Variants in ANK3 observed in about 807,000 individuals in gnomAD.
The protein encoded by ANK3 is ankyrin-3.
A neutral mutation model predicts 370.9 loss-of-function variants in ANK3; 57 were observed. The observed-to-expected ratio is 0.15, with a 90% CI of 0.12 to 0.19. ANK3 has a LOEUF of 0.19. Ranked by LOEUF, ANK3 falls within the 10% of genes least tolerant of loss-of-function variation. The probability of loss-of-function intolerance (pLI) is 1.00; values close to 1 mark genes in which losing one functional copy is unlikely to be tolerated. For missense variants in ANK3, 4,439 were observed against 5,302.1 expected (o/e 0.84, Z 5.06); for synonymous variants, 1,929 against 1,946.3 (o/e 0.99, Z 0.23).
chr10:60,682,914 T>A (rs918324301), intron 1 of ANK3, among the ~76,000 whole-genome samples: 31 of 152,190 alleles, frequency 2.0e-4, no homozygotes, highest in African/African-American at 7.2e-4. Flanking sequence ...AAACAAGGGT[T>A]CATGGGAATC....
intron 2 of ANK3, among the ~76,000 whole-genome samples, chr10:60,593,860 T>G (rs1460584713): frequency 6.6e-6 from 1 of 152,180 alleles, no homozygotes; most frequent in African/African-American, 2.4e-5. Context: ...TTTCTGTGAA[T>G]GAAATGCCTG....
At chr10:60,584,410 G>A (rs1459300806) in intron 2 of ANK3, among the ~76,000 whole-genome samples, 1 of 151,654 alleles carries the variant, frequency 6.6e-6, no homozygotes, top group African/African-American at 2.4e-5. Context: ...CTTGAAGCCA[G>A]GGGTTCAAGG....
chr10:60,266,245 T>G lies in ANK3; in HGVS notation c.514-2225A>C, dbSNP rs188867783. ...ACAAGAAAAGTAGTCTACATGTCAA[T>G]GTAAATATATATTTTCATTTTCATA... On this transcript the variant is annotated intron_variant, in intron 5 of 43. Transcript: ENST00000280772. 2.4e-3 allele frequency among the ~76,000 whole-genome samples: 358 copies of G among 152,298 alleles called. 7 individuals are homozygous for G. The highest frequency in any genetic ancestry group is 0.023 in the Admixed American group (351 of 15,302).
intron 1 of ANK3, among the ~76,000 whole-genome samples, chr10:60,286,074 A>G (rs1038169567): frequency 2.0e-5 from 3 of 152,180 alleles, no homozygotes; most frequent in African/African-American, 7.2e-5. Context: ...AATACATAAA[A>G]CATATATGAA....
chr10:60,355,388 T>C (rs1404862820), intron 1 of ANK3, among the ~76,000 whole-genome samples: 1 of 152,210 alleles, frequency 6.6e-6, no homozygotes, highest in Non-Finnish European at 1.5e-5. Context: ...AGTTTAGCTT[T>C]TGTGCCACTG....
chr10:60,173,233 T>C, intron 18 of ANK3, 47 bp from the exon 19 acceptor site: 8 of 1,426,706 alleles, frequency 5.6e-6, no homozygotes, highest in Non-Finnish European at 7.8e-6. Context: ...ATTACACTTT[T>C]ACTAACAGCT....
chr10:60,110,857 GTACACACA>G (rs1293043040), intron 26 of ANK3, among the ~76,000 whole-genome samples: 3 of 152,226 alleles, frequency 2.0e-5, no homozygotes, highest in South Asian at 4.2e-4. Context: ...AGTTGTGTCA[GTACACACA>G]TACACACATA....
intron 43 of ANK3, among the ~76,000 whole-genome samples, chr10:60,041,277 G>T (rs2131861960): frequency 6.6e-6 from 1 of 152,276 alleles, no homozygotes; most frequent in Non-Finnish European, 1.5e-5. Flanking sequence ...GTTTCCCACT[G>T]CTTTTCGGGT....
intron 1 of ANK3, among the ~76,000 whole-genome samples, chr10:60,732,335 C>A (rs2080035116): frequency 6.6e-6 from 1 of 152,148 alleles, no homozygotes; most frequent in East Asian, 1.9e-4. Context: ...CAAACATAAG[C>A]GAGTGTTTTA....
intron 2 of ANK3, among the ~76,000 whole-genome samples, chr10:60,442,418 A>G (rs563757168): frequency 3.2e-4 from 48 of 152,234 alleles, no homozygotes; most frequent in African/African-American, 1.2e-3. Context: ...GCTTTAAATC[A>G]TCTCAAGATT....
At chr10:60,236,483 T>C (rs1374771355) in intron 7 of ANK3, among the ~76,000 whole-genome samples, 1 of 152,182 alleles carries the variant, frequency 6.6e-6, no homozygotes, top group Non-Finnish European at 1.5e-5. Context: ...GTTCATTTAT[T>C]TATTGAAGAA....
At chr10:60,426,668 C>T (rs117890649) in intron 2 of ANK3, among the ~76,000 whole-genome samples, 2,715 of 152,158 alleles carry the variant, frequency 0.018, 32 homozygotes, top group South Asian at 0.044. Flanking sequence ...AAAAGAAACT[C>T]TATCAATCCA....
At chr10:60,613,004 A>G (rs1380540839) in intron 2 of ANK3, among the ~76,000 whole-genome samples, 3 of 152,214 alleles carry the variant, frequency 2.0e-5, no homozygotes, top group Non-Finnish European at 2.9e-5. Context: ...ATATGTGAGT[A>G]AAACAGAACA....
At chr10:60,726,555 T>C (rs2079943506) in intron 1 of ANK3, among the ~76,000 whole-genome samples, 1 of 152,186 alleles carries the variant, frequency 6.6e-6, no homozygotes, top group South Asian at 2.1e-4. Context: ...GAAGCTGAGA[T>C]TCAGTTTACC....
At chr10:60,526,181 T>C (rs1263002288) in intron 2 of ANK3, among the ~76,000 whole-genome samples, 1 of 152,104 alleles carries the variant, frequency 6.6e-6, no homozygotes, top group African/African-American at 2.4e-5. Context: ...TGAAATCCAA[T>C]ACACTCATTC....
intron 1 of ANK3, among the ~76,000 whole-genome samples, chr10:60,659,933 T>A (rs1388489974): frequency 6.6e-6 from 1 of 152,166 alleles, no homozygotes; most frequent in African/African-American, 2.4e-5. Flanking sequence ...CTTTTAGGAT[T>A]TGTTTCTACT....
intron 2 of ANK3, among the ~76,000 whole-genome samples, chr10:60,583,192 T>C (rs1389345834): frequency 6.6e-6 from 1 of 152,152 alleles, no homozygotes; most frequent in African/African-American, 2.4e-5. Flanking sequence ...AAGGATGAAA[T>C]CTTGTCATTT....
chr10:60,414,760 A>G (rs1358519225), intron 2 of ANK3, among the ~76,000 whole-genome samples: 1 of 152,174 alleles, frequency 6.6e-6, no homozygotes, highest in African/African-American at 2.4e-5. Context: ...TGAAGTCATA[A>G]AAAGTTGGTG....
At chr10:60,498,327 G>A (rs1193932511) in intron 2 of ANK3, among the ~76,000 whole-genome samples, 1 of 152,144 alleles carries the variant, frequency 6.6e-6, no homozygotes, top group Non-Finnish European at 1.5e-5. Context: ...GTTTATTGAA[G>A]AGAATACCAC....
Sources: gnomAD v4.1 joint callset for allele counts (sites outside exome capture counted in the v4.1 genomes callset) on GRCh38, gnomAD v4.1.1 for gene constraint, MANE v1.5 for transcripts, NCBI Gene and HGNC (gene_info 2026-07-23, HGNC 2026-07-21) for gene names.